The following TIMM50 variants were observed in gnomAD, a reference collection of about 807,000 sequenced individuals.
The protein encoded by TIMM50 is mitochondrial import inner membrane translocase subunit TIM50.
A neutral mutation model predicts 49.6 loss-of-function variants in TIMM50; 34 were observed. The ratio of observed to expected loss-of-function variants is 0.69; its 90% CI spans 0.52 to 0.91. The LOEUF (loss-of-function observed/expected upper bound fraction) is 0.91, where lower values mean the gene tolerates loss of function less well. Ranked by LOEUF, TIMM50 falls within the 40% of genes least tolerant of loss-of-function variation. The probability of loss-of-function intolerance (pLI) is 0.00; values close to 1 mark genes in which losing one functional copy is unlikely to be tolerated. For synonymous variants in TIMM50, 199 were observed against 198.4 expected (o/e 1.00, Z -0.03); for missense variants, 458 against 477.8 (o/e 0.96, Z 0.39).
chr19:39,480,912 G>T lies in TIMM50; in HGVS notation c.59G>T (p.Arg20Leu), dbSNP rs770680837. Residue 20 changes from arginine (R) to leucine (L), a missense_variant, in exon 1 of 11, where the codon CGG becomes CTG. Coordinates refer to ENST00000607714, the MANE Select transcript of TIMM50 (RefSeq NM_001001563.5). The stretch of plus-strand genomic sequence containing the variant: ...CGAAGCGGGCTCCGGCTCGGCTCGC[G>T]GGGACTGTGCACGAGGTTGGCGACG... ...RLRSGLRLGS[R>L]GLCTRLATPP... 1 of 1,591,356 alleles carries T rather than the reference G, an allele frequency of 6.3e-7. No homozygotes were observed. The highest frequency in any genetic ancestry group is 8.5e-7 in the Non-Finnish European group (1 of 1,175,400).
chr19:39,493,365 T>G lies in TIMM50; in HGVS notation c.*3545T>G, dbSNP rs1313417705. On this transcript the variant is annotated 3_prime_UTR_variant, in exon 11 of 11. Coordinates refer to ENST00000607714, the MANE Select transcript of TIMM50 (RefSeq NM_001001563.5). ...CCTGGGTTCAAGTGATTCTCCTGCCTCAGGCTCCCAAGTAGCTGGGATTAC... is the reference window on the plus strand; with the variant it reads ...CCTGGGTTCAAGTGATTCTCCTGCCGCAGGCTCCCAAGTAGCTGGGATTAC... 6.6e-6 allele frequency: 1 copy of G among 152,224 alleles called. No individual in the cohort carries two copies. Among genetic ancestry groups the G allele is most frequent in the African/African-American group, 2.4e-5 (1 of 41,424 alleles). The allele number at this position is 152,224 out of a possible 1,614,324, so 9.4% of individuals were successfully genotyped here.
intron 2 of TIMM50, among the ~76,000 whole-genome samples, chr19:39,482,500 A>T (rs1481599699): frequency 8.7e-5 from 8 of 92,396 alleles, no homozygotes; most frequent in Non-Finnish European, 2.1e-5. Flanking sequence ...TACTAAAAAT[A>T]CAAAAAAAAA....
chr19:39,487,687 G>C (rs1003499597), intron 8 of TIMM50, among the ~76,000 whole-genome samples: 4 of 152,134 alleles, frequency 2.6e-5, no homozygotes, highest in African/African-American at 9.6e-5. Context: ...TTGAACTCCT[G>C]AGCTCAGGCA....
At chr19:39,485,306 T>G in intron 4 of TIMM50, 1 of 575,662 alleles carries the variant, frequency 1.7e-6, no homozygotes. Flanking sequence ...GCATTCTGTT[T>G]CATACCTGGG....
At chr19:39,484,816 C>G (rs1183900501) in intron 4 of TIMM50, among the ~76,000 whole-genome samples, 2 of 152,130 alleles carry the variant, frequency 1.3e-5, no homozygotes, top group Non-Finnish European at 2.9e-5. Context: ...AATCCCAACA[C>G]TTTGGGAGGC....
intron 4 of TIMM50, 186 bp downstream of exon 4, chr19:39,483,342 C>A (rs1359514514): frequency 2.9e-6 from 2 of 687,306 alleles, no homozygotes; most frequent in Middle Eastern, 3.7e-4. Context: ...CCTGGCCCCT[C>A]AGCCCCGAGC....
intron 8 of TIMM50, 158 bp from the exon 9 acceptor site, chr19:39,487,903 T>C (rs1454823526): frequency 7.2e-6 from 8 of 1,106,100 alleles, no homozygotes; most frequent in Admixed American, 5.4e-5. Flanking sequence ...TCTGTGGGGG[T>C]CGATGCCATC....
intron 2 of TIMM50, among the ~76,000 whole-genome samples, chr19:39,482,415 T>C (rs2079478358): frequency 6.6e-6 from 1 of 151,926 alleles, no homozygotes; most frequent in Non-Finnish European, 1.5e-5. Flanking sequence ...CCCAGCACTT[T>C]GGGAGGCCGA....
rs2079549377 is a variant in TIMM50, at chr19:39,492,119, C to T, written c.*2299C>T. 1 of 152,188 alleles carries T rather than the reference C, an allele frequency of 6.6e-6. No homozygotes were observed. Among genetic ancestry groups the T allele is most frequent in the Non-Finnish European group, 1.5e-5 (1 of 68,052 alleles). 9.4% of individuals were successfully genotyped at this position (152,188 alleles called of 1,614,324 possible). ...GTAAGTTCAAATCCAAGCTCTACCA[C>T]TTCTCGGCTGGCTTGTGATCCTGTG... On this transcript the variant is annotated 3_prime_UTR_variant, in exon 11 of 11. Transcript: ENST00000607714.
rs200689232 is a variant in TIMM50, at chr19:39,485,855, G to T, written c.492+48G>T. ...GGTTGGGGATAGACCTGGGCAGTGG[G>T]GTTGTGATGAGGTGGACTTTCAGCC... On this transcript the variant is annotated intron_variant, in intron 6 of 10. Transcript: ENST00000607714. 1.3e-4 allele frequency: 212 copies of T among 1,609,646 alleles called. No individual in the cohort carries two copies. In the African/African-American group the frequency reaches 2.6e-3, roughly 20 times the overall value.
intron 1 of TIMM50, chr19:39,481,256 G>T: frequency 2.1e-6 from 1 of 466,046 alleles, no homozygotes; most frequent in African/African-American, 2.1e-5. Context: ...AGGGGCCTGG[G>T]ACGCTGGAGT....
rs1568445183 is a variant in TIMM50 at position 39,492,400 on chromosome 19, T to G, written c.*2580T>G. ...TCCCATGTAGGCACTCAAATGGAAC[T>G]ATGTAAACCTTAGGCAAGGCACCTC... On this transcript the variant is annotated 3_prime_UTR_variant, in exon 11 of 11. Coordinates refer to ENST00000607714, the MANE Select transcript of TIMM50 (RefSeq NM_001001563.5). 1.3e-5 allele frequency: 2 copies of G among 152,020 alleles called. No individual in the cohort carries two copies. Among genetic ancestry groups the G allele is most frequent in the Non-Finnish European group, 2.9e-5 (2 of 68,040 alleles). 9.4% of individuals were successfully genotyped at this position (152,020 alleles called of 1,614,324 possible).
At chr19:39,485,915 C>A in intron 6 of TIMM50, 108 bp downstream of exon 6, 1 of 1,483,210 alleles carries the variant, frequency 6.7e-7, no homozygotes. Flanking sequence ...GAGGAGATGT[C>A]ACCTGTCATT....
rs771532866 is a variant in TIMM50, at chr19:39,486,391, C to T, written c.598-6C>T. 26 of 1,613,944 alleles carry T rather than the reference C, an allele frequency of 1.6e-5. No individual in the cohort carries two copies. Among genetic ancestry groups the T allele is most frequent in the Non-Finnish European group, 2.0e-5 (24 of 1,179,948 alleles). ...TGACCTTTTCTCGCTCCCTTCCCAC[C>T]CCCAGACTGCGTTTCCACTCATTGA... On this transcript the variant is annotated splice_polypyrimidine_tract_variant and splice_region_variant and intron_variant, in intron 7 of 10. Transcript: ENST00000607714.
chr19:39,485,434 A>C, intron 4 of TIMM50, 110 bp from the exon 5 acceptor site: 1 of 1,320,192 alleles, frequency 7.6e-7, no homozygotes, highest in South Asian at 1.2e-5. Context: ...GGTTCAAACC[A>C]GGCAGATATG....
chr19:39,488,534 C>T lies in TIMM50; in HGVS notation c.854-5C>T, dbSNP rs2079522985. 2 of 1,611,992 alleles carry T rather than the reference C, an allele frequency of 1.2e-6. No homozygotes were observed. Among genetic ancestry groups the T allele is most frequent in the Non-Finnish European group, 1.7e-6 (2 of 1,179,558 alleles). On this transcript the variant is annotated splice_region_variant and splice_polypyrimidine_tract_variant and intron_variant, in intron 9 of 10. Coordinates refer to ENST00000607714, the MANE Select transcript of TIMM50 (RefSeq NM_001001563.5). ...CTGGCTGACCACCCCCTGTTGTGCC[C>T]ACAGCCATTGCACTGAATGGTGTGG...
intron 1 of TIMM50, 129 bp downstream of exon 1, chr19:39,481,090 G>C: frequency 4.7e-6 from 6 of 1,263,440 alleles, no homozygotes; most frequent in Non-Finnish European, 6.3e-6. Flanking sequence ...TTGTGTTTTG[G>C]GGCCCTTCCC....
In TIMM50 at chr19:39,489,812, C is replaced by T. The variant is rs143483965; in HGVS notation, c.1054C>T (p.Gln352Ter). ...LTSRLWPRSK[Q>*]P ...CAGCCGCTTGTGGCCTCGCTCCAAA[C>T]AGCCCTGAACTCTGGGCCTCCTCAA... Residue 352 changes from glutamine (Q) to a stop codon, truncating the protein, a stop_gained, in exon 11 of 11, where the codon CAG (glutamine) becomes TAG (stop). Transcript: ENST00000607714. LOFTEE classifies it high-confidence loss of function. The T allele has an allele frequency of 4.9e-5, 79 of 1,606,992 alleles. No homozygotes were observed. The African/African-American group carries it at 8.4e-4, about 17-fold the overall frequency.
At chr19:39,481,205 G>A (rs143942674) in intron 1 of TIMM50, 10 of 555,790 alleles carry the variant, frequency 1.8e-5, no homozygotes, top group South Asian at 9.7e-5. Flanking sequence ...GGGGGTTACC[G>A]TTCCCCGTTT....
Sources: allele counts gnomAD v4.1 joint callset (sites outside exome capture counted in the v4.1 genomes callset), GRCh38; gene constraint gnomAD v4.1.1; transcripts MANE v1.5; gene names NCBI Gene and HGNC (gene_info 2026-07-23, HGNC 2026-07-21).